The following CADPS variants were observed in gnomAD, a reference collection of about 807,000 sequenced individuals.
The protein encoded by CADPS is calcium dependent secretion activator.
CADPS carries 57 observed loss-of-function variants against 167.3 expected under a neutral mutation model. That is an observed-to-expected ratio of 0.34 (90% CI 0.28 to 0.42). The LOEUF is 0.42. CADPS is among the 20% of genes least tolerant of loss of function. The pLI is 1.00. For synonymous variants in CADPS, 676 were observed against 635.3 expected (o/e 1.06, Z -0.96); for missense variants, 1,414 against 1,738.1 (o/e 0.81, Z 3.32).
chr3:62,821,479 T>C (rs959568258), intron 1 of CADPS, among the ~76,000 whole-genome samples: 3 of 152,184 alleles, frequency 2.0e-5, no homozygotes, highest in African/African-American at 7.2e-5. Flanking sequence ...CTTTCAGCTT[T>C]TGGTAGCTCC....
At chr3:62,407,299 T>A (rs1338381102) in intron 28 of CADPS, among the ~76,000 whole-genome samples, 1 of 152,224 alleles carries the variant, frequency 6.6e-6, no homozygotes, top group African/African-American at 2.4e-5. Context: ...TCTGGAATTG[T>A]ATGCATGCCT....
intron 3 of CADPS, among the ~76,000 whole-genome samples, chr3:62,724,872 A>G (rs1217770032): frequency 6.6e-6 from 1 of 152,242 alleles, no homozygotes; most frequent in East Asian, 1.9e-4. Context: ...TTCTCAGGAT[A>G]AGCTTAAACA....
chr3:62,641,959 C>T (rs1326741100), intron 6 of CADPS, among the ~76,000 whole-genome samples: 3 of 152,062 alleles, frequency 2.0e-5, no homozygotes, highest in Admixed American at 6.6e-5. Flanking sequence ...TATGACGATG[C>T]TGAGCAGGGT....
intron 3 of CADPS, among the ~76,000 whole-genome samples, chr3:62,701,028 C>A (rs779571240): frequency 6.6e-6 from 1 of 152,024 alleles, no homozygotes; most frequent in Non-Finnish European, 1.5e-5. Flanking sequence ...TCTCTGCTCT[C>A]TGGGGTCTCT....
At chr3:62,400,357 C>G (rs1448489259) in intron 29 of CADPS, among the ~76,000 whole-genome samples, 1 of 152,120 alleles carries the variant, frequency 6.6e-6, no homozygotes, top group African/African-American at 2.4e-5. Flanking sequence ...GACTGTTTTT[C>G]TAGAAATCCT....
At chr3:62,813,986 A>G (rs1179357761) in intron 1 of CADPS, among the ~76,000 whole-genome samples, 1 of 152,186 alleles carries the variant, frequency 6.6e-6, no homozygotes, top group Non-Finnish European at 1.5e-5. Flanking sequence ...GACAGTGGCC[A>G]TATATCTCTC....
intron 17 of CADPS, among the ~76,000 whole-genome samples, chr3:62,501,540 T>C (rs966965393): frequency 6.6e-6 from 1 of 152,136 alleles, no homozygotes; most frequent in African/African-American, 2.4e-5. Flanking sequence ...CACACTTACA[T>C]ACATTTTCTA....
chr3:62,582,007 A>G (rs1426449812), intron 8 of CADPS, among the ~76,000 whole-genome samples: 1 of 152,188 alleles, frequency 6.6e-6, no homozygotes, highest in Non-Finnish European at 1.5e-5. Context: ...CTATTCAATA[A>G]AGTTATTCTG....
chr3:62,716,317 G>T (rs2084610368), intron 3 of CADPS, among the ~76,000 whole-genome samples: 1 of 152,162 alleles, frequency 6.6e-6, no homozygotes, highest in African/African-American at 2.4e-5. Flanking sequence ...GCCTCCCAAA[G>T]TGCTGAGATT....
intron 13 of CADPS, among the ~76,000 whole-genome samples, chr3:62,521,802 C>G (rs560845191): frequency 6.6e-6 from 1 of 152,158 alleles, no homozygotes; most frequent in Non-Finnish European, 1.5e-5. Flanking sequence ...TGGCCACTCT[C>G]GTGTGAGGGT....
chr3:62,684,210 G>A (rs182984784), intron 3 of CADPS, among the ~76,000 whole-genome samples: 66 of 151,120 alleles, frequency 4.4e-4, no homozygotes, highest in African/African-American at 1.6e-3. Context: ...ATTACAGTAT[G>A]GACTTAGGAA....
In CADPS at chr3:62,446,440, T is replaced by C. The variant is rs1252758669; in HGVS notation, c.3637-643A>G. Among the ~76,000 whole-genome samples, 1 of 152,172 alleles carries C rather than the reference T, an allele frequency of 6.6e-6. No individual in the cohort carries two copies. The highest frequency in any genetic ancestry group is 1.5e-5 in the Non-Finnish European group (1 of 68,032). On this transcript the variant is annotated intron_variant, in intron 26 of 29. Coordinates refer to ENST00000383710, the MANE Select transcript of CADPS (RefSeq NM_003716.4). The surrounding 1 kb of genome is among the most constrained non-coding windows in gnomAD (Gnocchi z 4.9). ...GGAGTATGGTAGCGTGCTAGAGTGT[T>C]ATGTTTGAGAGCATGAAGTTTGGAG...
chr3:62,750,969 T>C (rs1430444204), intron 3 of CADPS, among the ~76,000 whole-genome samples: 1 of 152,178 alleles, frequency 6.6e-6, no homozygotes. Context: ...ATCTTTGGAC[T>C]TAACACTCTT....
At chr3:62,732,796 G>A (rs1037818649) in intron 3 of CADPS, among the ~76,000 whole-genome samples, 4 of 152,102 alleles carry the variant, frequency 2.6e-5, no homozygotes, top group Non-Finnish European at 4.4e-5. Context: ...AATGTCTTAT[G>A]GTGGAAACAA....
chr3:62,580,311 T>G (rs2083165516), intron 8 of CADPS, among the ~76,000 whole-genome samples: 1 of 152,134 alleles, frequency 6.6e-6, no homozygotes, highest in Non-Finnish European at 1.5e-5. Flanking sequence ...CTGGAAATCA[T>G]CATTCTCAGT....
At chr3:62,467,947 G>A (rs974253452) in intron 24 of CADPS, among the ~76,000 whole-genome samples, 2 of 152,108 alleles carry the variant, frequency 1.3e-5, no homozygotes, top group African/African-American at 4.8e-5. Flanking sequence ...GATAAGGGTA[G>A]AGAGAGACAG....
At position 62,727,324 on chromosome 3, in the gene CADPS, A is replaced by G. The variant is rs1026318102; in HGVS notation, c.888+26117T>C. 2.6e-5 allele frequency among the ~76,000 whole-genome samples: 4 copies of G among 152,098 alleles called. 1 individual carries two copies. Among genetic ancestry groups the G allele is most frequent in the Admixed American group, 1.3e-4 (2 of 15,294 alleles). On this transcript the variant is annotated intron_variant, in intron 3 of 29. Coordinates refer to ENST00000383710, the MANE Select transcript of CADPS (RefSeq NM_003716.4). ...AATAAAGCTCATAGATGTGAAGTCA[A>G]TCAAGAGAAGGCAGACACAAGAGGG...
chr3:62,406,185 A>C (rs557418679), intron 28 of CADPS, among the ~76,000 whole-genome samples: 1 of 152,298 alleles, frequency 6.6e-6, no homozygotes, highest in South Asian at 2.1e-4. Flanking sequence ...GGGATATCAC[A>C]TTGATAGCTA....
chr3:62,752,379 C>A (rs919530649), intron 3 of CADPS, among the ~76,000 whole-genome samples: 4 of 152,176 alleles, frequency 2.6e-5, no homozygotes, highest in African/African-American at 7.2e-5. Context: ...TAGATACCAG[C>A]AATATCTTTG....
Sources: gnomAD v4.1 joint callset for allele counts (sites outside exome capture counted in the v4.1 genomes callset) on GRCh38, gnomAD v4.1.1 for gene constraint, Gnocchi (gnomAD v3.1) non-coding constraint, MANE v1.5 for transcripts, NCBI Gene and HGNC (gene_info 2026-07-23, HGNC 2026-07-21) for gene names.